ACSS3: variants seen among roughly 807,000 people sequenced by gnomAD.
The protein encoded by ACSS3 is acyl-CoA synthetase short-chain family member 3, mitochondrial.
ACSS3 carries 64 observed loss-of-function variants against 84.2 expected under a neutral mutation model. The ratio of observed to expected loss-of-function variants is 0.76; its 90% CI spans 0.62 to 0.94. The LOEUF is 0.94. Among genes scored for constraint, ACSS3 ranks in the 40% least tolerant of loss-of-function variants. The probability of loss-of-function intolerance (pLI) is 0.00; values close to 1 mark genes in which losing one functional copy is unlikely to be tolerated. For missense variants in ACSS3, 815 were observed against 867.6 expected, an observed-to-expected ratio of 0.94 and a Z score of 0.76; for synonymous variants, 317 against 310.1, an observed-to-expected ratio of 1.02 and a Z score of -0.23.
At chr12:81,150,557 T>C (rs1180392148) in intron 5 of ACSS3, among the ~76,000 whole-genome samples, 2 of 152,206 alleles carry the variant, frequency 1.3e-5, no homozygotes, top group African/African-American at 4.8e-5. Context: ...ATTTCTAATG[T>C]TCCCATGGAG....
At chr12:81,086,620 C>T (rs532611724) in intron 1 of ACSS3, among the ~76,000 whole-genome samples, 1 of 152,308 alleles carries the variant, frequency 6.6e-6, no homozygotes, top group South Asian at 2.1e-4. Context: ...ACACTCTTAT[C>T]ACCGCCTGAA....
intron 3 of ACSS3, among the ~76,000 whole-genome samples, chr12:81,137,878 C>T (rs1885890008): frequency 6.6e-6 from 1 of 150,908 alleles, no homozygotes; most frequent in Non-Finnish European, 1.5e-5. Flanking sequence ...AGACTTTCTG[C>T]TTTTTTTTTC....
At chr12:81,236,070 G>A (rs550283891) in intron 13 of ACSS3, among the ~76,000 whole-genome samples, 1 of 151,574 alleles carries the variant, frequency 6.6e-6, no homozygotes, top group South Asian at 2.1e-4. Context: ...GTAAAGGCAA[G>A]AATGGTGCTA....
rs1209169798 is a variant in ACSS3, at chr12:81,151,860, C to G, written c.938C>G (p.Thr313Ser). The G allele has an allele frequency of 1.2e-6, 2 of 1,613,674 alleles. No homozygotes were observed. Among genetic ancestry groups the G allele is most frequent in the African/African-American group, 1.3e-5 (1 of 75,022 alleles). Residue 313 changes from threonine (T) to serine (S), a missense_variant, in exon 6 of 16, where the codon ACT becomes AGT. By Grantham distance (58) the Thr-to-Ser change is moderately conservative. Coordinates refer to ENST00000548058, the MANE Select transcript of ACSS3 (RefSeq NM_024560.4). ...TCTCCTTAGGGTGTGATTAGGCCCA[C>G]TGGGGGATACGCTGTCATGCTACAC... is the stretch of plus-strand genomic sequence containing the variant. ...TGLPKGVIRP[T>S]GGYAVMLHWS...
At chr12:81,232,309 A>G (rs2033492676) in intron 12 of ACSS3, among the ~76,000 whole-genome samples, 1 of 151,810 alleles carries the variant, frequency 6.6e-6, no homozygotes, top group African/African-American at 2.4e-5. Context: ...GTTTATGTCT[A>G]CACTATGTGA....
chr12:81,256,643 A>T lies in ACSS3; in HGVS notation c.*1721A>T, dbSNP rs1261323951. 1 of 152,182 alleles carries T rather than the reference A, an allele frequency of 6.6e-6. No homozygotes were observed. Among genetic ancestry groups the T allele is most frequent in the African/African-American group, 2.4e-5 (1 of 41,450 alleles). The allele number at this position is 152,182 out of a possible 1,614,324, so 9.4% of individuals were successfully genotyped here. A position where few individuals can be genotyped will look rare whatever the true frequency, so the allele number is the denominator to read the frequency against. On this transcript the variant is annotated 3_prime_UTR_variant, in exon 16 of 16. Transcript: ENST00000548058. ...TACATGAAATGTATGTGAGAGATAAATAGATAATAGAAAGTTTATTGTTAT... is the reference window on the plus strand; with the variant it reads ...TACATGAAATGTATGTGAGAGATAATTAGATAATAGAAAGTTTATTGTTAT...
At chr12:81,114,323 T>C (rs1441637262) in intron 2 of ACSS3, among the ~76,000 whole-genome samples, 4 of 152,140 alleles carry the variant, frequency 2.6e-5, no homozygotes, top group Non-Finnish European at 4.4e-5. Flanking sequence ...AGGAGAAAAT[T>C]ATTCTGAAAT....
chr12:81,087,246 T>A (rs1435198541), intron 1 of ACSS3, among the ~76,000 whole-genome samples: 1 of 152,126 alleles, frequency 6.6e-6, no homozygotes. Flanking sequence ...CTTTGACTTA[T>A]GACCTGACTC....
Position 81,213,957 on chromosome 12 carries a change from C to CTCTTTCTTTCTTTCTCTCTT in ACSS3, c.1355-2929_1355-2928insCTCTTTCTTTCTTTCTTTCT, listed in dbSNP as rs2032783546. On this transcript the variant is annotated intron_variant, in intron 9 of 15. Transcript: ENST00000548058. Reference sequence around the variant, plus strand: ...CCTTTCTCTCTCTCTCTCCCTCTCTCTCTTTCTTTCTTTCTTTCTTTCTTT... The same window carrying CTCTTTCTTTCTTTCTCTCTT: ...CCTTTCTCTCTCTCTCTCCCTCTCTCTCTTTCTTTCTTTCTCTCTTTCTTTCTTTCTTTCTTTCTTTCTTT... Among the ~76,000 whole-genome samples, 99 of 49,146 alleles carry CTCTTTCTTTCTTTCTCTCTT rather than the reference C, an allele frequency of 2.0e-3. 2 individuals are homozygous for CTCTTTCTTTCTTTCTCTCTT. Among genetic ancestry groups the CTCTTTCTTTCTTTCTCTCTT allele is most frequent in the African/African-American group, 6.9e-3 (96 of 13,992 alleles). The allele number at this position is 49,146 out of a possible 152,430, so 32.2% of individuals were successfully genotyped here.
At chr12:81,080,191 G>A (rs1346029087) in intron 1 of ACSS3, among the ~76,000 whole-genome samples, 1 of 152,144 alleles carries the variant, frequency 6.6e-6, no homozygotes, top group Non-Finnish European at 1.5e-5. Context: ...TAAGAATGGA[G>A]GAGAAAGGAC....
chr12:81,163,510 A>G (rs1887255282), intron 7 of ACSS3, among the ~76,000 whole-genome samples: 1 of 152,200 alleles, frequency 6.6e-6, no homozygotes, highest in Non-Finnish European at 1.5e-5. Context: ...ACTATACTAT[A>G]CCTTTTATCT....
At chr12:81,163,698 A>G (rs1336106181) in intron 7 of ACSS3, among the ~76,000 whole-genome samples, 2 of 152,190 alleles carry the variant, frequency 1.3e-5, no homozygotes, top group East Asian at 3.9e-4. Context: ...AGTGATACCG[A>G]CAATCCTGAT....
intron 9 of ACSS3, among the ~76,000 whole-genome samples, chr12:81,214,642 C>T (rs908053342): frequency 6.6e-6 from 1 of 152,170 alleles, no homozygotes; most frequent in African/African-American, 2.4e-5. Flanking sequence ...AGAAGGACAA[C>T]GCTTCATTAA....
rs192221569 is a variant in ACSS3 at position 81,173,797 on chromosome 12, A to T, written c.1099-991A>T. Reference sequence around the variant, plus strand: ...AAACAGAGATCGAGAATTTAATCACAGAGGTTTTGGAAATATTAGATACAG... The same window carrying T: ...AAACAGAGATCGAGAATTTAATCACTGAGGTTTTGGAAATATTAGATACAG... On this transcript the variant is annotated intron_variant, in intron 7 of 15. Transcript: ENST00000548058. Among the ~76,000 whole-genome samples, 616 of 152,278 alleles carry T rather than the reference A, an allele frequency of 4.0e-3. 4 individuals are homozygous for T. Among genetic ancestry groups the T allele is most frequent in the African/African-American group, 0.014 (581 of 41,570 alleles).
intron 1 of ACSS3, among the ~76,000 whole-genome samples, chr12:81,102,606 A>C (rs749588407): frequency 5.4e-4 from 82 of 152,220 alleles, no homozygotes; most frequent in Non-Finnish European, 9.6e-4. Flanking sequence ...GCAGATCACC[A>C]GGTCAAGAGA....
chr12:81,232,955 T>C (rs1459290338), intron 12 of ACSS3, among the ~76,000 whole-genome samples: 2 of 151,666 alleles, frequency 1.3e-5, no homozygotes, highest in Non-Finnish European at 3.0e-5. Context: ...TGGGAAATTA[T>C]TCATTGGGAG....
intron 9 of ACSS3, among the ~76,000 whole-genome samples, chr12:81,207,373 A>G (rs1258185264): frequency 6.6e-6 from 1 of 152,122 alleles, no homozygotes; most frequent in Non-Finnish European, 1.5e-5. Context: ...CCTTGGAGAA[A>G]CAATGTGGGT....
chr12:81,107,559 T>A (rs1353673076), intron 1 of ACSS3, among the ~76,000 whole-genome samples: 63 of 114,060 alleles, frequency 5.5e-4, no homozygotes, highest in East Asian at 2.2e-3. Flanking sequence ...TATATATATA[T>A]AAATGTTTTT....
chr12:81,246,486 A>G (rs1391075862), intron 13 of ACSS3, among the ~76,000 whole-genome samples: 6 of 152,196 alleles, frequency 3.9e-5, no homozygotes, highest in Non-Finnish European at 8.8e-5. Context: ...ACAGAAAGTA[A>G]AGCAAACAAA....
Sources: allele counts gnomAD v4.1 joint callset (sites outside exome capture counted in the v4.1 genomes callset), GRCh38; gene constraint gnomAD v4.1.1; transcripts MANE v1.5; gene names NCBI Gene and HGNC (gene_info 2026-07-23, HGNC 2026-07-21).